Variants in CBFA2T3 observed in about 807,000 individuals in gnomAD.
CBFA2T3 encodes the protein transcriptional corepressor CBFA2T3.
In CBFA2T3, 31 loss-of-function variants were observed where a neutral mutation model predicts 58.6. That is an observed-to-expected ratio of 0.53 (90% CI 0.40 to 0.71). The LOEUF is 0.71. Among genes scored for constraint, CBFA2T3 ranks in the 30% least tolerant of loss-of-function variants. The pLI is 0.00. For missense variants in CBFA2T3, 1,076 were observed against 963.1 expected (o/e 1.12, Z -1.55); for synonymous variants, 531 against 421.9 (o/e 1.26, Z -3.17).
At chr16:88,884,804 G>A (rs950638022) in intron 7 of CBFA2T3, 1 of 452,720 alleles carries the variant, frequency 2.2e-6, no homozygotes, top group African/African-American at 2.0e-5. Flanking sequence ...AGAACCACGT[G>A]GGCAGTTCCA....
rs774100528 is a variant in CBFA2T3 at position 88,958,632 on chromosome 16, G to A, written c.151+18025C>T. ...TGGGGGCAGGTGGAGAAGCACAGTCGCCGCCCAGCAGCCCAGCACTACCTT... is the reference window on the plus strand; with the variant it reads ...TGGGGGCAGGTGGAGAAGCACAGTCACCGCCCAGCAGCCCAGCACTACCTT... On this transcript the variant is annotated intron_variant, in intron 1 of 11. Transcript: ENST00000268679. The surrounding 1 kb of genome is among the most constrained non-coding windows in gnomAD (Gnocchi z 4.0). 1.7e-4 allele frequency among the ~76,000 whole-genome samples: 26 copies of A among 152,078 alleles called. No individual in the cohort carries two copies. Among genetic ancestry groups the A allele is most frequent in the Non-Finnish European group, 3.4e-4 (23 of 67,988 alleles).
chr16:88,958,108 C>G lies in CBFA2T3; in HGVS notation c.151+18549G>C, dbSNP rs1015117045. Among the ~76,000 whole-genome samples the G allele has an allele frequency of 1.3e-5, 2 of 152,154 alleles. No homozygotes were observed. The highest frequency in any genetic ancestry group is 1.5e-5 in the Non-Finnish European group (1 of 68,036). ...AGGCCACGGAACTTTGTCAGCGCAC[C>G]AGGGCAGTAGCGGGATGGGTGTCAA... is the stretch of plus-strand genomic sequence containing the variant. On this transcript the variant is annotated intron_variant, in intron 1 of 11. Transcript: ENST00000268679. The surrounding 1 kb of genome is among the most constrained non-coding windows in gnomAD (Gnocchi z 4.0).
chr16:88,917,862 G>A (rs1027025278), intron 1 of CBFA2T3, among the ~76,000 whole-genome samples: 9 of 150,194 alleles, frequency 6.0e-5, no homozygotes, highest in East Asian at 1.9e-4. Flanking sequence ...GAGTGGGTGC[G>A]GAGGAGAGCG....
At chr16:88,881,530 C>A (rs373074041) in intron 8 of CBFA2T3, 41 bp from the exon 9 acceptor site, 1 of 1,567,278 alleles carries the variant, frequency 6.4e-7, no homozygotes, top group African/African-American at 1.3e-5. Flanking sequence ...TCAGAGGGAC[C>A]GGGACGCACC....
rs1399500840 is a variant in CBFA2T3 at position 88,892,428 on chromosome 16, T to C, written c.437A>G (p.Asn146Ser). 4 of 1,613,400 alleles carry C rather than the reference T, an allele frequency of 2.5e-6. No individual in the cohort carries two copies. Among genetic ancestry groups the C allele is most frequent in the Middle Eastern group, 1.6e-4 (1 of 6,084 alleles). The change falls in exon 4 of 12, where the codon AAC (asparagine) becomes AGC (serine). Residue 146 changes from asparagine to serine, a missense_variant. Physicochemically the swap from Asn to Ser is conservative, Grantham distance 46. Coordinates refer to ENST00000268679, the MANE Select transcript of CBFA2T3 (RefSeq NM_005187.6). ...TAINGAPCTP[N>S]GFSNGPATSS... is the part of the protein sequence containing the mutation. The stretch of plus-strand genomic sequence containing the variant: ...GGTGGCCGGGCCATTGCTGAAGCCG[T>C]TGGGTGTGCACGGTGCACCATTGAT...
At chr16:88,900,261 C>A (rs1478962387) in intron 2 of CBFA2T3, among the ~76,000 whole-genome samples, 1 of 152,280 alleles carries the variant, frequency 6.6e-6, no homozygotes, top group East Asian at 1.9e-4. Flanking sequence ...CCTGGGGGCA[C>A]CCCATTGCTG....
intron 1 of CBFA2T3, among the ~76,000 whole-genome samples, chr16:88,919,765 T>C (rs754941336): frequency 3.9e-5 from 6 of 152,158 alleles, no homozygotes; most frequent in African/African-American, 2.4e-5. Flanking sequence ...AGAGGAACTG[T>C]TGGAAAGTCA....
intron 3 of CBFA2T3, among the ~76,000 whole-genome samples, chr16:88,897,174 T>A (rs1015381140): frequency 6.6e-6 from 1 of 152,132 alleles, no homozygotes; most frequent in Admixed American, 6.5e-5. Context: ...TTGCCATCCA[T>A]AAGATCACAG....
chr16:88,911,881 C>A (rs1970543081), intron 1 of CBFA2T3, among the ~76,000 whole-genome samples: 1 of 151,148 alleles, frequency 6.6e-6, no homozygotes, highest in Non-Finnish European at 1.5e-5. Flanking sequence ...TGAAGACCCC[C>A]CCTCCTGCCT....
intron 1 of CBFA2T3, among the ~76,000 whole-genome samples, chr16:88,904,561 G>A (rs1270379909): frequency 6.6e-6 from 1 of 152,248 alleles, no homozygotes; most frequent in Non-Finnish European, 1.5e-5. Context: ...CAGCAGGTCT[G>A]GGATTCAAAC....
chr16:88,915,270 G>T (rs1172871460), intron 1 of CBFA2T3, among the ~76,000 whole-genome samples: 1 of 104,204 alleles, frequency 9.6e-6, no homozygotes, highest in East Asian at 2.7e-4. Context: ...TGGGTGGGTC[G>T]CGGGGTGGGG....
At chr16:88,916,430 G>A (rs1970735031) in intron 1 of CBFA2T3, among the ~76,000 whole-genome samples, 1 of 152,010 alleles carries the variant, frequency 6.6e-6, no homozygotes, top group Non-Finnish European at 1.5e-5. Flanking sequence ...GGCTGTGTCC[G>A]TGTGTGTGTG....
At chr16:88,970,569 A>C (rs573871167) in intron 1 of CBFA2T3, among the ~76,000 whole-genome samples, 1 of 152,322 alleles carries the variant, frequency 6.6e-6, no homozygotes, top group East Asian at 1.9e-4. Flanking sequence ...TTGCCGGGTG[A>C]AAGCCGGGAA....
intron 1 of CBFA2T3, among the ~76,000 whole-genome samples, chr16:88,909,388 AG>A (rs751623210): frequency 5.0e-5 from 7 of 140,936 alleles, no homozygotes; most frequent in Non-Finnish European, 9.4e-5. Context: ...AATGGGGGTG[AG>A]GGTTGACATG....
rs1482557315 is a variant in CBFA2T3, at chr16:88,975,185, T to TCTGCTCCTGACCTGC, written c.151+1471_151+1472insGCAGGTCAGGAGCAG. 7.7e-3 allele frequency among the ~76,000 whole-genome samples: 531 copies of TCTGCTCCTGACCTGC among 68,570 alleles called. 7 individuals are homozygous for TCTGCTCCTGACCTGC. The highest frequency in any genetic ancestry group is 0.028 in the Middle Eastern group (4 of 142). 45.0% of individuals were successfully genotyped at this position (68,570 alleles called of 152,430 possible). ...CCTGACCCTCTCTGCTCCACATCTT[T>TCTGCTCCTGACCTGC]AGCCATGTCAGAGGTCCACCCTGAC... is the stretch of plus-strand genomic sequence containing the variant. On this transcript the variant is annotated intron_variant, in intron 1 of 11. Coordinates refer to ENST00000268679, the MANE Select transcript of CBFA2T3 (RefSeq NM_005187.6).
intron 5 of CBFA2T3, chr16:88,886,475 C>T (rs574771029): frequency 4.5e-5 from 11 of 243,238 alleles, no homozygotes; most frequent in African/African-American, 2.0e-4. Flanking sequence ...CTGGAGAAGG[C>T]GAGAGGACGA....
intron 1 of CBFA2T3, among the ~76,000 whole-genome samples, chr16:88,970,813 C>T (rs1972636295): frequency 1.3e-5 from 2 of 152,242 alleles, no homozygotes; most frequent in African/African-American, 4.8e-5. Context: ...AAGCAGGCAC[C>T]AGAGCCCCTG....
At chr16:88,967,294 G>A (rs887560482) in intron 1 of CBFA2T3, among the ~76,000 whole-genome samples, 5 of 151,992 alleles carry the variant, frequency 3.3e-5, no homozygotes, top group East Asian at 1.9e-4. Flanking sequence ...CGCAGGTGTC[G>A]AGAGAGGAAA....
rs1972670266 is a variant in CBFA2T3 at position 88,972,108 on chromosome 16, A to G, written c.151+4549T>C. Among the ~76,000 whole-genome samples, 3 of 152,100 alleles carry G rather than the reference A, an allele frequency of 2.0e-5. No homozygotes were observed. In the South Asian group the frequency reaches 6.2e-4, roughly 32 times the overall value. On this transcript the variant is annotated intron_variant, in intron 1 of 11. Transcript: ENST00000268679. ...CAAGGTCTTTCTGCTGGACAGGAGG[A>G]CATGGCTGGTTGCTGTCCTTGTGTG...
Sources: gnomAD v4.1 joint callset for allele counts (sites outside exome capture counted in the v4.1 genomes callset) on GRCh38, gnomAD v4.1.1 for gene constraint, Gnocchi (gnomAD v3.1) non-coding constraint, MANE v1.5 for transcripts, NCBI Gene and HGNC (gene_info 2026-07-23, HGNC 2026-07-21) for gene names.